PLXNA1: variants seen among roughly 807,000 people sequenced by gnomAD.
PLXNA1 encodes the protein plexin A1, also known as plexin-A1.
Under a neutral mutation model 191.7 loss-of-function variants are expected in PLXNA1, and 77 were observed. That is an observed-to-expected ratio of 0.40 (90% CI 0.33 to 0.49). The LOEUF (loss-of-function observed/expected upper bound fraction) is 0.49. Among genes scored for constraint, PLXNA1 ranks in the 20% least tolerant of loss-of-function variants. The pLI is 0.63. For synonymous variants in PLXNA1, 1,137 were observed against 1,156.4 expected (o/e 0.98, Z 0.34); for missense variants, 2,110 against 2,660.2 (o/e 0.79, Z 4.55).
At chr3:126,994,740 C>T (rs2079006919) in intron 3 of PLXNA1, among the ~76,000 whole-genome samples, 2 of 152,240 alleles carry the variant, frequency 1.3e-5, no homozygotes, top group African/African-American at 4.8e-5. Flanking sequence ...GTGGGGCTGG[C>T]TGTGGTCCAG....
intron 27 of PLXNA1, 58 bp downstream of exon 27, chr3:127,029,594 CG>C (rs2079195604): frequency 2.6e-6 from 4 of 1,554,522 alleles, no homozygotes; most frequent in Non-Finnish European, 3.5e-6. Flanking sequence ...CTGGGCAGGA[CG>C]TCCCCCGGGC....
At chr3:126,993,198 G>T (rs997100705) in intron 3 of PLXNA1, among the ~76,000 whole-genome samples, 6 of 152,212 alleles carry the variant, frequency 3.9e-5, no homozygotes, top group South Asian at 2.1e-4. Context: ...CAGTCCCACA[G>T]AGGGAAACTG....
At chr3:127,021,803 A>G (rs1054127902) in intron 21 of PLXNA1, among the ~76,000 whole-genome samples, 5 of 152,172 alleles carry the variant, frequency 3.3e-5, no homozygotes, top group African/African-American at 1.2e-4. Flanking sequence ...GTCGGCTTGC[A>G]GGGGCTTCTC....
intron 9 of PLXNA1, among the ~76,000 whole-genome samples, chr3:127,009,710 G>C (rs1007917321): frequency 6.6e-6 from 1 of 152,150 alleles, no homozygotes; most frequent in South Asian, 2.1e-4. Context: ...ATGCTGGGAG[G>C]GGGTCTCTGT....
intron 19 of PLXNA1, 130 bp from the exon 20 acceptor site, chr3:127,018,164 C>A: frequency 1.1e-6 from 1 of 936,134 alleles, no homozygotes; most frequent in South Asian, 1.7e-5. Context: ...CCCTGGTGAC[C>A]ACTCTGTGCC....
chr3:127,026,037 A>T (rs2079175006), intron 23 of PLXNA1, among the ~76,000 whole-genome samples: 1 of 152,148 alleles, frequency 6.6e-6, no homozygotes. Context: ...TGCCCATATT[A>T]TCCTTCTATT....
At position 127,028,347 on chromosome 3, in the gene PLXNA1, G is replaced by C; in HGVS notation, c.4669+7G>C. ...GCCGCGGACATGGACCTGGGTGAGC[G>C]GGCGGGGCCACGGCTGCCCGGGGTG... On this transcript the variant is annotated splice_region_variant and intron_variant, in intron 25 of 31. Coordinates refer to ENST00000393409, the MANE Select transcript of PLXNA1 (RefSeq NM_032242.4). The C allele has an allele frequency of 6.2e-7, 1 of 1,607,672 alleles. No individual in the cohort carries two copies. Among genetic ancestry groups the C allele is most frequent in the Non-Finnish European group, 8.5e-7 (1 of 1,178,400 alleles).
chr3:127,003,435 A>G lies in PLXNA1; in HGVS notation c.1483A>G (p.Asn495Asp). ...PILRDLVLSP[N>D]HQYLYAMTEK... The stretch of plus-strand genomic sequence containing the variant: ...CCTGCGAGACCTCGTCCTCAGCCCC[A>G]ACCACCAGTACCTCTACGCCATGAC... The change falls in exon 4 of 32, where the codon AAC (asparagine) becomes GAC (aspartate). Residue 495 changes from asparagine to aspartate, a missense_variant. Physicochemically the swap from Asn to Asp is conservative, Grantham distance 23. Coordinates refer to ENST00000393409, the MANE Select transcript of PLXNA1 (RefSeq NM_032242.4). 1 of 1,612,066 alleles carries G rather than the reference A, an allele frequency of 6.2e-7. No homozygotes were observed. The highest frequency in any genetic ancestry group is 8.5e-7 in the Non-Finnish European group (1 of 1,179,456).
At position 126,988,772 on chromosome 3, in the gene PLXNA1, C is replaced by G. The variant is rs1016498364; in HGVS notation, c.179C>G (p.Thr60Arg). The part of the protein sequence containing the change: ...GLTHLVVHEQ[T>R]GEVYVGAVNR... ...ACCCACCTAGTGGTGCATGAGCAGA[C>G]AGGCGAGGTGTATGTGGGCGCAGTG... The change falls in exon 2 of 32, where the codon ACA (threonine) becomes AGA (arginine). Residue 60 changes from threonine to arginine, a missense_variant. Transcript: ENST00000393409. 6.2e-7 allele frequency: 1 copy of G among 1,604,762 alleles called. No homozygotes were observed. The highest frequency in any genetic ancestry group is 8.5e-7 in the Non-Finnish European group (1 of 1,174,616).
chr3:127,006,092 G>A lies in PLXNA1; in HGVS notation c.1911G>A (p.Val637=), dbSNP rs918384232. 2.5e-6 allele frequency: 4 copies of A among 1,613,736 alleles called. No homozygotes were observed. Among genetic ancestry groups the A allele is most frequent in the Non-Finnish European group, 3.4e-6 (4 of 1,179,874 alleles). ...PITRGQGDQR[V]VKLYLKSKET... ...CTGCTCGTGCAGGAGACCAGCGGGT[G>A]GTGAAACTCTACCTAAAGTCCAAGG... The change falls in exon 8 of 32, where the codon GTG becomes GTA. Residue 637 remains valine (V), a synonymous_variant. Transcript: ENST00000393409.
intron 23 of PLXNA1, chr3:127,027,657 T>A: frequency 1.7e-6 from 1 of 579,692 alleles, no homozygotes; most frequent in Non-Finnish European, 3.3e-6. Flanking sequence ...AGGTCCCGCG[T>A]GCCACGCCAT....
chr3:127,009,112 T>C (rs890170869), intron 9 of PLXNA1, among the ~76,000 whole-genome samples: 2 of 141,676 alleles, frequency 1.4e-5, no homozygotes, highest in Non-Finnish European at 2.9e-5. Context: ...ATGAAGTCAC[T>C]GTGGGGATGA....
In PLXNA1 at chr3:126,989,693, A is replaced by T. The variant is rs909727502; in HGVS notation, c.1100A>T (p.Glu367Val). 3.7e-6 allele frequency: 6 copies of T among 1,612,946 alleles called. No homozygotes were observed. The Admixed American group carries it at 8.3e-5, about 22-fold the overall frequency. ...CTGTTCACGCTCAGGGCCATCAAGGAGAAGATTAAGGAGCGCATCCAGTCC... is the reference window on the plus strand; with the variant it reads ...CTGTTCACGCTCAGGGCCATCAAGGTGAAGATTAAGGAGCGCATCCAGTCC... ...LCLFTLRAIK[E>V]KIKERIQSCY... The change falls in exon 2 of 32, where the codon GAG becomes GTG. Residue 367 changes from glutamate (E) to valine (V), a missense_variant. By Grantham distance (121) the Glu-to-Val change is moderately radical (BLOSUM62 -2). Around this residue, in one of 4 missense-constraint regions of PLXNA1, gnomAD observed 903 missense variants for 1,015.7 expected, o/e 0.89. Transcript: ENST00000393409.
intron 25 of PLXNA1, chr3:127,028,786 G>T (rs953777769): frequency 6.8e-6 from 4 of 591,138 alleles, no homozygotes; most frequent in Admixed American, 3.0e-5. Context: ...ACCCCCTTAG[G>T]CTGGGGCTGC....
chr3:127,028,051 A>C lies in PLXNA1; in HGVS notation c.4474A>C (p.Lys1492Gln), dbSNP rs1166998134. Reference sequence around the variant, plus strand: ...GGCACGCTACTCCCTGAGTGAGGACAAGCTCATCCGGCAGCAGATTGACTA... The same window carrying C: ...GGCACGCTACTCCCTGAGTGAGGACCAGCTCATCCGGCAGCAGATTGACTA... ...GEARYSLSED[K>Q]LIRQQIDYKT... Residue 1492 changes from lysine (K) to glutamine (Q), a missense_variant, in exon 24 of 32, where the codon AAG becomes CAG. Physicochemically the swap from Lys to Gln is moderately conservative, Grantham distance 53. Around this residue, in one of 4 missense-constraint regions of PLXNA1, gnomAD observed 559 missense variants for 911.5 expected, o/e 0.61. Coordinates refer to ENST00000393409, the MANE Select transcript of PLXNA1 (RefSeq NM_032242.4). 6.2e-7 allele frequency: 1 copy of C among 1,614,056 alleles called. No homozygotes were observed. Among genetic ancestry groups the C allele is most frequent in the African/African-American group, 1.3e-5 (1 of 75,066 alleles).
In PLXNA1 at chr3:127,003,359, C is replaced by T. The variant is rs1345969753; in HGVS notation, c.1407C>T (p.Gly469=). 1.2e-6 allele frequency: 2 copies of T among 1,608,110 alleles called. No individual in the cohort carries two copies. Among genetic ancestry groups the T allele is most frequent in the Non-Finnish European group, 1.7e-6 (2 of 1,176,476 alleles). ...TGGTGGACCTCTCAAACCCCGGTGG[C>T]CGGCCTGCCCTGGCCTACGAGAGCG... ...KILVDLSNPG[G]RPALAYESVV... is the part of the protein sequence containing the mutation. Residue 469 remains glycine (G), a synonymous_variant, in exon 4 of 32, where the codon GGC becomes GGT. Coordinates refer to ENST00000393409, the MANE Select transcript of PLXNA1 (RefSeq NM_032242.4).
At chr3:126,992,971 G>T (rs1373873579) in intron 3 of PLXNA1, among the ~76,000 whole-genome samples, 1 of 152,154 alleles carries the variant, frequency 6.6e-6, no homozygotes, top group Non-Finnish European at 1.5e-5. Context: ...TTGTGTGGAA[G>T]CCCAGTGCAG....
At chr3:126,992,539 C>T (rs376233666) in intron 3 of PLXNA1, among the ~76,000 whole-genome samples, 5 of 152,102 alleles carry the variant, frequency 3.3e-5, no homozygotes, top group African/African-American at 7.2e-5. Flanking sequence ...GGGAGTCCTG[C>T]CCCTCCCTGG....
chr3:127,010,665 T>C (rs943471534), intron 9 of PLXNA1, among the ~76,000 whole-genome samples: 1 of 151,416 alleles, frequency 6.6e-6, no homozygotes, highest in Non-Finnish European at 1.5e-5. Context: ...GGTGTTGGGG[T>C]GGGTGGTGCT....
Sources: allele counts gnomAD v4.1 joint callset (sites outside exome capture counted in the v4.1 genomes callset), GRCh38; gene constraint gnomAD v4.1.1; regional missense constraint gnomAD v4.1.1; transcripts MANE v1.5; gene names NCBI Gene and HGNC (gene_info 2026-07-23, HGNC 2026-07-21).